Variants in ATP2B1 observed in about 807,000 individuals in gnomAD.
The protein encoded by ATP2B1 is ATPase plasma membrane Ca2+ transporting 1.
ATP2B1 carries 14 observed loss-of-function variants against 124.2 expected under a neutral mutation model. That is an observed-to-expected ratio of 0.11 (90% CI 0.07 to 0.18). The LOEUF (loss-of-function observed/expected upper bound fraction) is 0.18. Among genes scored for constraint, ATP2B1 ranks in the 10% least tolerant of loss-of-function variants. The probability of loss-of-function intolerance (pLI) is 1.00; values close to 1 mark genes in which losing one functional copy is unlikely to be tolerated. For missense variants in ATP2B1, 763 were observed against 1,466.1 expected (o/e 0.52, Z 7.83); for synonymous variants, 449 against 492.4 (o/e 0.91, Z 1.17).
intron 1 of ATP2B1, among the ~76,000 whole-genome samples, chr12:89,656,643 C>A (rs956053510): frequency 2.0e-5 from 3 of 152,124 alleles, no homozygotes; most frequent in African/African-American, 7.2e-5. Flanking sequence ...AAAAGCATAA[C>A]AGATCCTTTA....
At position 89,603,328 on chromosome 12, in the gene ATP2B1, C is replaced by T; in HGVS notation, c.2849-74G>A. 8.2e-7 allele frequency: 1 copy of T among 1,212,300 alleles called. No homozygotes were observed. 75.1% of individuals were successfully genotyped at this position (1,212,300 alleles called of 1,614,324 possible). ...TTTCAAGGAGGTATACAAATTACAA[C>T]TTAGCTAGACCTTTTATTTGATCTG... On this transcript the variant is annotated intron_variant, in intron 17 of 20. Transcript: ENST00000428670. This position sits in a 1 kb window ranked among gnomAD's most constrained non-coding sequence, Gnocchi z 4.3.
intron 1 of ATP2B1, among the ~76,000 whole-genome samples, chr12:89,663,364 C>A (rs972330987): frequency 6.6e-6 from 1 of 152,112 alleles, no homozygotes; most frequent in Non-Finnish European, 1.5e-5. Context: ...AGTTTTTTAA[C>A]CAGGGTCTTA....
intron 2 of ATP2B1, among the ~76,000 whole-genome samples, chr12:89,653,283 CTTTTTTTTT>C (rs149270069): frequency 7.9e-5 from 6 of 76,116 alleles, no homozygotes; most frequent in African/African-American, 2.0e-4. Flanking sequence ...GAATTTTTTT[CTTTTTTTTT>C]TTTTTTTTTT....
chr12:89,697,781 T>C (rs2136815120), intron 1 of ATP2B1, among the ~76,000 whole-genome samples: 1 of 146,524 alleles, frequency 6.8e-6, no homozygotes, highest in East Asian at 2.2e-4. Context: ...TTTTCTACTC[T>C]GAAGCAACTA....
At chr12:89,657,317 T>G (rs751327225) in intron 1 of ATP2B1, among the ~76,000 whole-genome samples, 206 of 152,326 alleles carry the variant, frequency 1.4e-3, no homozygotes, top group Non-Finnish European at 2.4e-3. Context: ...TCTTCCTCAT[T>G]CTAATGTCTC....
rs1474112309 is a variant in ATP2B1 at position 89,588,180 on chromosome 12, G to GA, written c.*2803_*2804insT. The GA allele has an allele frequency of 1.3e-5, 2 of 152,534 alleles. No individual in the cohort carries two copies. Among genetic ancestry groups the GA allele is most frequent in the Admixed American group, 6.5e-5 (1 of 15,268 alleles). 9.4% of individuals were successfully genotyped at this position (152,534 alleles called of 1,614,324 possible). A position where few individuals can be genotyped will look rare whatever the true frequency, so the allele number is the denominator to read the frequency against. The stretch of plus-strand genomic sequence containing the variant: ...ATTGAAAGAAATCAACACCATCACG[G>GA]TATCTCAGTTGGCTTACACGTGTAA... On this transcript the variant is annotated 3_prime_UTR_variant, in exon 21 of 21. Coordinates refer to ENST00000428670, the MANE Select transcript of ATP2B1 (RefSeq NM_001366521.1).
In ATP2B1 at chr12:89,634,919, T is replaced by C. The variant is rs1318897661; in HGVS notation, c.662-16A>G. The C allele has an allele frequency of 6.2e-7, 1 of 1,611,334 alleles. No individual in the cohort carries two copies. The highest frequency in any genetic ancestry group is 1.1e-5 in the South Asian group (1 of 90,626). On this transcript the variant is annotated splice_polypyrimidine_tract_variant and intron_variant, in intron 4 of 20. Transcript: ENST00000428670. ...AGAAGATCACCTAAAATAAAAAGCA[T>C]GATATACTAAACTTATAAACAAGAT...
chr12:89,703,919 G>C (rs1892151315), intron 1 of ATP2B1, among the ~76,000 whole-genome samples: 1 of 152,280 alleles, frequency 6.6e-6, no homozygotes, highest in African/African-American at 2.4e-5. Context: ...CAAATCTGCT[G>C]AATCAAAATT....
At chr12:89,696,604 C>T (rs1407633694) in intron 1 of ATP2B1, among the ~76,000 whole-genome samples, 2 of 152,178 alleles carry the variant, frequency 1.3e-5, no homozygotes, top group Non-Finnish European at 2.9e-5. Flanking sequence ...AGTGTTAAAA[C>T]TAGCTATTTC....
chr12:89,657,776 A>G (rs1291085480), intron 1 of ATP2B1, among the ~76,000 whole-genome samples: 1 of 152,194 alleles, frequency 6.6e-6, no homozygotes, highest in Non-Finnish European at 1.5e-5. Context: ...TAGGGAGCAC[A>G]CTTGTGAGAA....
Position 89,588,534 on chromosome 12 carries a change from T to TCCA in ATP2B1, c.*2447_*2449dup, listed in dbSNP as rs1873024097. 1 of 152,580 alleles carries TCCA rather than the reference T, an allele frequency of 6.6e-6. No homozygotes were observed. The highest frequency in any genetic ancestry group is 2.1e-4 in the South Asian group (1 of 4,838). 9.5% of individuals were successfully genotyped at this position (152,580 alleles called of 1,614,324 possible). On this transcript the variant is annotated 3_prime_UTR_variant, in exon 21 of 21. Coordinates refer to ENST00000428670, the MANE Select transcript of ATP2B1 (RefSeq NM_001366521.1). ...CAGCTATACATACTATATAATGGGA[T>TCCA]CCAAGATCTTTAACAGCTTGCTTGC...
chr12:89,606,698 G>A (rs533262317), intron 15 of ATP2B1, among the ~76,000 whole-genome samples: 9 of 150,422 alleles, frequency 6.0e-5, no homozygotes, highest in South Asian at 2.1e-4. Context: ...CTCAGCCTCC[G>A]GAGTAGCTAA....
intron 1 of ATP2B1, among the ~76,000 whole-genome samples, chr12:89,678,014 A>ACG (rs1334411191): frequency 1.4e-5 from 2 of 146,588 alleles, no homozygotes; most frequent in East Asian, 4.0e-4. Flanking sequence ...ACACACACAC[A>ACG]CACATATACA....
At chr12:89,644,785 A>G (rs1455002918) in intron 2 of ATP2B1, among the ~76,000 whole-genome samples, 1 of 152,220 alleles carries the variant, frequency 6.6e-6, no homozygotes, top group African/African-American at 2.4e-5. Flanking sequence ...TATATATGAC[A>G]TACCTGTAAC....
chr12:89,659,931 C>CA (rs545497005), intron 1 of ATP2B1, among the ~76,000 whole-genome samples: 3,187 of 127,810 alleles, frequency 0.025, 94 homozygotes, highest in South Asian at 0.079. Flanking sequence ...AAAAAAAAAA[C>CA]AAAAAAAAAC....
At chr12:89,626,318 C>G in intron 8 of ATP2B1, 136 bp downstream of exon 8, 2 of 978,346 alleles carry the variant, frequency 2.0e-6, no homozygotes, top group Non-Finnish European at 2.9e-6. Flanking sequence ...TGCATTGTAG[C>G]TAGAACTGAA....
chr12:89,593,534 G>C (rs1013606917), intron 20 of ATP2B1: 4 of 152,062 alleles, frequency 2.6e-5, no homozygotes, highest in African/African-American at 9.7e-5. Flanking sequence ...GAGCAGTGAA[G>C]AATCGGGGGG....
chr12:89,677,966 A>ATGTG (rs1294903823), intron 1 of ATP2B1, among the ~76,000 whole-genome samples: 10 of 60,924 alleles, frequency 1.6e-4, no homozygotes, highest in Admixed American at 5.3e-4. Context: ...ATATATATAT[A>ATGTG]TATATACACA....
intron 2 of ATP2B1, among the ~76,000 whole-genome samples, chr12:89,653,464 T>C (rs1260625514): frequency 6.7e-6 from 1 of 149,976 alleles, no homozygotes; most frequent in East Asian, 1.9e-4. Context: ...GCCCGGCTAA[T>C]TTTTTTGTAT....
Sources: allele counts gnomAD v4.1 joint callset (sites outside exome capture counted in the v4.1 genomes callset), GRCh38; gene constraint gnomAD v4.1.1; non-coding constraint Gnocchi (gnomAD v3.1); transcripts MANE v1.5; gene names NCBI Gene and HGNC (gene_info 2026-07-23, HGNC 2026-07-21).